Variants in DNAJB1 observed in about 807,000 individuals in gnomAD.
The protein encoded by DNAJB1 is dnaJ homolog subfamily B member 1.
DNAJB1 carries 14 observed loss-of-function variants against 24.0 expected under a neutral mutation model. The observed-to-expected ratio is 0.58, with a 90% confidence interval of 0.39 to 0.91. The LOEUF (loss-of-function observed/expected upper bound fraction) is 0.91. DNAJB1 is among the 40% of genes least tolerant of loss of function. The pLI, the probability that DNAJB1 is intolerant of heterozygous loss-of-function variation, is 0.00. For synonymous variants in DNAJB1, 262 were observed against 174.4 expected, an observed-to-expected ratio of 1.50 and a Z score of -3.96; for missense variants, 517 against 458.1, an observed-to-expected ratio of 1.13 and a Z score of -1.17.
Position 14,518,357 on chromosome 19 carries a change from T to C in DNAJB1, c.-8A>G, listed in dbSNP as rs753014158. ...GTAGTAGTCTTTACCCATGACCCCC[T>C]CCTGCGGCCCGCCGACCCGCTGTCG... is the stretch of plus-strand genomic sequence containing the variant. On this transcript the variant is annotated 5_prime_UTR_variant, in exon 1 of 3. Coordinates refer to ENST00000254322, the MANE Select transcript of DNAJB1 (RefSeq NM_006145.3). The C allele has an allele frequency of 3.2e-6, 5 of 1,548,928 alleles. No individual in the cohort carries two copies. Among genetic ancestry groups the C allele is most frequent in the Non-Finnish European group, 4.3e-6 (5 of 1,156,136 alleles).
At position 14,515,893 on chromosome 19, in the gene DNAJB1, T is replaced by C. The variant is rs775462084; in HGVS notation, c.*47A>G. 29 of 1,543,626 alleles carry C rather than the reference T, an allele frequency of 1.9e-5. No individual in the cohort carries two copies. The highest frequency in any genetic ancestry group is 2.4e-5 in the Non-Finnish European group (27 of 1,134,232). Reference sequence around the variant, plus strand: ...AACTGGTAGAAAGGTCCAGAAATCCTTGAGCTCTGGAAAGGTCCCTGGTCA... The same window carrying C: ...AACTGGTAGAAAGGTCCAGAAATCCCTGAGCTCTGGAAAGGTCCCTGGTCA... On this transcript the variant is annotated 3_prime_UTR_variant, in exon 3 of 3. Transcript: ENST00000254322.
At position 14,550,006 on chromosome 19, in the gene DNAJB1, T is replaced by C. The variant is rs1321210361; in HGVS notation, c.-214+202A>G. ...CCTTCAACTGCCACTCCCTGTCCCC[T>C]TTCCTTTCTTTCTTCTTTCCATGTC... On this transcript the variant is annotated intron_variant, in intron 1 of 3. Transcript: ENST00000676982. 2.1e-5 allele frequency among the ~76,000 whole-genome samples: 3 copies of C among 145,668 alleles called. No individual in the cohort carries two copies. In the East Asian group the frequency reaches 5.9e-4, roughly 28 times the overall value.
At chr19:14,555,508 C>T (rs2073691757) in intron 1 of DNAJB1, among the ~76,000 whole-genome samples, 1 of 136,178 alleles carries the variant, frequency 7.3e-6, no homozygotes, top group African/African-American at 2.8e-5. Context: ...TGCAGTGGTG[C>T]AATCTTGGCT....
chr19:14,543,434 T>A (rs1471417462), intron 1 of DNAJB1, among the ~76,000 whole-genome samples: 1,452 of 36,354 alleles, frequency 0.04, 58 homozygotes, highest in Non-Finnish European at 0.073. Context: ...TTTTTTTTTT[T>A]TTTTTTTTTT....
upstream of DNAJB1, chr19:14,529,550 C>A: frequency 1.6e-6 from 2 of 1,246,882 alleles, no homozygotes; most frequent in Non-Finnish European, 2.3e-6. Context: ...GATTGGCCGA[C>A]GGGGCGCGCG....
At chr19:14,516,210 C>T in intron 2 of DNAJB1, 40 bp from the exon 3 acceptor site, 1 of 1,608,224 alleles carries the variant, frequency 6.2e-7, no homozygotes, top group Non-Finnish European at 8.5e-7. Flanking sequence ...GAAGCTGGCT[C>T]AAGAGGCTCA....
At chr19:14,550,628 C>T (rs1444041251), upstream of DNAJB1, among the ~76,000 whole-genome samples, 1 of 152,108 alleles carries the variant, frequency 6.6e-6, no homozygotes, top group Non-Finnish European at 1.5e-5. Context: ...AGTGTTTGGC[C>T]TTTACACTGG....
At chr19:14,527,025 G>A (rs2146535513) in intron 2 of DNAJB1, among the ~76,000 whole-genome samples, 1 of 151,944 alleles carries the variant, frequency 6.6e-6, no homozygotes, top group East Asian at 1.9e-4. Context: ...GCAACATAAT[G>A]AGATCCCATC....
At chr19:14,525,920 G>A (rs780191755) in intron 2 of DNAJB1, among the ~76,000 whole-genome samples, 4 of 152,050 alleles carry the variant, frequency 2.6e-5, no homozygotes, top group Non-Finnish European at 4.4e-5. Context: ...GCCCTGGCTT[G>A]TCTAGTCCCA....
At chr19:14,536,354 C>G (rs1041671207) in intron 1 of DNAJB1, among the ~76,000 whole-genome samples, 4 of 151,422 alleles carry the variant, frequency 2.6e-5, no homozygotes, top group African/African-American at 9.7e-5. Context: ...ACTGCAACCT[C>G]TGCCTCCTGG....
At chr19:14,526,680 T>C in intron 2 of DNAJB1, among the ~76,000 whole-genome samples, 1 of 152,162 alleles carries the variant, frequency 6.6e-6, no homozygotes, top group Non-Finnish European at 1.5e-5. Context: ...TCTGAGTTTA[T>C]GGGAATATGT....
Position 14,518,385 on chromosome 19 carries a change from G to A in DNAJB1, c.-36C>T, listed in dbSNP as rs1408631409. 13 of 1,519,452 alleles carry A rather than the reference G, an allele frequency of 8.6e-6. No individual in the cohort carries two copies. The highest frequency in any genetic ancestry group is 1.4e-5 in the African/African-American group (1 of 71,360). The allele number at this position is 1,519,452 out of a possible 1,614,324, so 94.1% of individuals were successfully genotyped here. ...TGCGGCCCGCCGACCCGCTGTCGCC[G>A]TCCCCCGGCTCCGCCGCCGACCAGT... On this transcript the variant is annotated 5_prime_UTR_variant, in exon 1 of 3. The change creates a new upstream start codon in the 5' untranslated region. Coordinates refer to ENST00000254322, the MANE Select transcript of DNAJB1 (RefSeq NM_006145.3).
chr19:14,522,689 C>CAGACAG (rs200824112), upstream of DNAJB1, among the ~76,000 whole-genome samples: 9 of 88,364 alleles, frequency 1.0e-4, no homozygotes, highest in African/African-American at 2.9e-4. Flanking sequence ...CACAGACACA[C>CAGACAG]ACACACACAC....
At chr19:14,521,104 T>C (rs1348289748), upstream of DNAJB1, among the ~76,000 whole-genome samples, 1 of 152,190 alleles carries the variant, frequency 6.6e-6, no homozygotes, top group Non-Finnish European at 1.5e-5. Context: ...GAATTACAAG[T>C]GCAGCAGCCT....
chr19:14,517,161 G>A, intron 1 of DNAJB1, 115 bp from the exon 2 acceptor site: 22 of 1,114,456 alleles, frequency 2.0e-5, no homozygotes, highest in Non-Finnish European at 2.8e-5. Context: ...TTGTCTGTCA[G>A]GGGAGAGCAA....
chr19:14,551,950 T>C (rs1390751623), upstream of DNAJB1, among the ~76,000 whole-genome samples: 1 of 96,212 alleles, frequency 1.0e-5, no homozygotes, highest in Non-Finnish European at 2.1e-5. Flanking sequence ...TCCCTCCCTC[T>C]CTCTCTCTCT....
At chr19:14,519,614 A>C (rs767005780), upstream of DNAJB1, among the ~76,000 whole-genome samples, 1 of 151,986 alleles carries the variant, frequency 6.6e-6, no homozygotes, top group Non-Finnish European at 1.5e-5. Context: ...TTGGCTTTCA[A>C]TGTGTCTTCC....
At chr19:14,543,657 C>G (rs1210996341) in intron 1 of DNAJB1, among the ~76,000 whole-genome samples, 5 of 150,136 alleles carry the variant, frequency 3.3e-5, no homozygotes, top group African/African-American at 1.2e-4. Context: ...CCAGGATGGT[C>G]TCGATCTCCT....
At chr19:14,521,141 G>C (rs748241065), upstream of DNAJB1, among the ~76,000 whole-genome samples, 1 of 152,124 alleles carries the variant, frequency 6.6e-6, no homozygotes, top group Non-Finnish European at 1.5e-5. Context: ...GGCTCTGGGT[G>C]GGCCTTTCTG....
Sources: gnomAD v4.1 joint callset for allele counts (sites outside exome capture counted in the v4.1 genomes callset) on GRCh38, gnomAD v4.1.1 for gene constraint, MANE v1.5 for transcripts, NCBI Gene and HGNC (gene_info 2026-07-23, HGNC 2026-07-21) for gene names.